Variants in NFIL3 observed in about 807,000 individuals in gnomAD.
NFIL3 encodes the protein nuclear factor, interleukin 3 regulated, also known as nuclear factor interleukin-3-regulated protein.
In NFIL3, 5 loss-of-function variants were observed where a neutral mutation model predicts 10.0. The observed-to-expected ratio is 0.50, with a 90% confidence interval of 0.26 to 1.06. The LOEUF (loss-of-function observed/expected upper bound fraction) is 1.06, where lower values mean the gene tolerates loss of function less well. Among genes scored for constraint, NFIL3 ranks in the 50% least tolerant of loss-of-function variants. The probability of loss-of-function intolerance (pLI) is 0.13; values close to 1 mark genes in which losing one functional copy is unlikely to be tolerated. For missense variants in NFIL3, 436 were observed against 547.6 expected, an observed-to-expected ratio of 0.80 and a Z score of 2.03; for synonymous variants, 202 against 206.5, an observed-to-expected ratio of 0.98 and a Z score of 0.19.
the NFIL3 span, among the ~76,000 whole-genome samples, chr9:91,447,953 G>A: frequency 6.6e-6 from 1 of 152,250 alleles, no homozygotes; most frequent in African/African-American, 2.4e-5. Context: ...TCCTGTAAGA[G>A]TTTTATGGTT....
chr9:91,468,766 T>A, the NFIL3 span, among the ~76,000 whole-genome samples: 1 of 152,336 alleles, frequency 6.6e-6, no homozygotes, highest in Admixed American at 6.5e-5. Context: ...ACCAAGCCAG[T>A]TTTCCCAGCA....
chr9:91,455,387 C>G, the NFIL3 span, among the ~76,000 whole-genome samples: 1 of 152,042 alleles, frequency 6.6e-6, no homozygotes, highest in Non-Finnish European at 1.5e-5. Context: ...TCCCATCTCC[C>G]CATTTTATTT....
the NFIL3 span, among the ~76,000 whole-genome samples, chr9:91,467,927 A>G: frequency 6.6e-6 from 1 of 152,138 alleles, no homozygotes; most frequent in Non-Finnish European, 1.5e-5. Flanking sequence ...TTTTTAATCC[A>G]GTCTATCACT....
the NFIL3 span, among the ~76,000 whole-genome samples, chr9:91,453,290 C>T: frequency 3.9e-5 from 6 of 152,120 alleles, no homozygotes; most frequent in East Asian, 5.8e-4. Flanking sequence ...TTAATTACCT[C>T]TGAAAAGACT....
chr9:91,477,848 C>A, the NFIL3 span, among the ~76,000 whole-genome samples: 353 of 152,118 alleles, frequency 2.3e-3, 1 homozygote, highest in African/African-American at 8.2e-3. Context: ...TTTAATTACA[C>A]TCTGAGTTCT....
chr9:91,421,838 T>C (rs547379926), intron 1 of NFIL3, among the ~76,000 whole-genome samples: 2 of 152,368 alleles, frequency 1.3e-5, no homozygotes, highest in East Asian at 3.9e-4. Flanking sequence ...CTGCACTTAA[T>C]TTAAATGTTA....
chr9:91,469,623 A>G, the NFIL3 span, among the ~76,000 whole-genome samples: 1 of 152,184 alleles, frequency 6.6e-6, no homozygotes, highest in African/African-American at 2.4e-5. Flanking sequence ...TTCAAAGGGA[A>G]TGCTTCCAGT....
chr9:91,464,891 T>C, the NFIL3 span, among the ~76,000 whole-genome samples: 1 of 152,186 alleles, frequency 6.6e-6, no homozygotes, highest in Non-Finnish European at 1.5e-5. Flanking sequence ...TTCCAAAAAC[T>C]AATCTCTATC....
At chr9:91,478,709 G>T in the NFIL3 span, among the ~76,000 whole-genome samples, 2 of 152,016 alleles carry the variant, frequency 1.3e-5, no homozygotes, top group Non-Finnish European at 2.9e-5. Context: ...TGATCCTTTG[G>T]AGGAGAAAAG....
chr9:91,429,533 C>T, the NFIL3 span, among the ~76,000 whole-genome samples: 1 of 152,106 alleles, frequency 6.6e-6, no homozygotes, highest in South Asian at 2.1e-4. Context: ...CAACTTTTGT[C>T]ACTCCAGAGA....
the NFIL3 span, among the ~76,000 whole-genome samples, chr9:91,429,191 G>A: frequency 2.0e-5 from 3 of 152,198 alleles, no homozygotes; most frequent in Non-Finnish European, 4.4e-5. Flanking sequence ...TCATGCACAG[G>A]ATAGTTTACT....
At chr9:91,452,242 T>G in the NFIL3 span, among the ~76,000 whole-genome samples, 1 of 152,206 alleles carries the variant, frequency 6.6e-6, no homozygotes, top group Non-Finnish European at 1.5e-5. Flanking sequence ...CCAGGAAGCT[T>G]CATCTGCATA....
At chr9:91,437,636 C>T in the NFIL3 span, among the ~76,000 whole-genome samples, 1 of 152,146 alleles carries the variant, frequency 6.6e-6, no homozygotes, top group Non-Finnish European at 1.5e-5. Context: ...ACTTTGTGTC[C>T]TCTGACCTAC....
the NFIL3 span, among the ~76,000 whole-genome samples, chr9:91,471,092 G>A: frequency 0.13 from 19,621 of 152,014 alleles, 1,380 homozygotes; most frequent in Middle Eastern, 0.22. Context: ...CTTCTGTCTC[G>A]TTGATCTGTC....
chr9:91,436,981 G>T, the NFIL3 span, among the ~76,000 whole-genome samples: 1 of 152,252 alleles, frequency 6.6e-6, no homozygotes, highest in East Asian at 1.9e-4. Context: ...GTTCCGTGTC[G>T]AATCATCAGG....
chr9:91,442,834 C>T, the NFIL3 span, among the ~76,000 whole-genome samples: 3 of 152,172 alleles, frequency 2.0e-5, no homozygotes, highest in African/African-American at 7.2e-5. Flanking sequence ...CTGAGCTCCC[C>T]GAAGGGCCAC....
At chr9:91,452,715 A>G in the NFIL3 span, among the ~76,000 whole-genome samples, 1 of 141,068 alleles carries the variant, frequency 7.1e-6, no homozygotes, top group Non-Finnish European at 1.5e-5. Flanking sequence ...TGAACTCGGG[A>G]GGCGGAGGTT....
the NFIL3 span, among the ~76,000 whole-genome samples, chr9:91,434,339 A>G: frequency 3.3e-5 from 5 of 152,282 alleles, no homozygotes; most frequent in South Asian, 1.0e-3. Flanking sequence ...CCCCAAGTAG[A>G]TATCAGATTG....
chr9:91,465,931 A>AC, the NFIL3 span, among the ~76,000 whole-genome samples: 2 of 152,020 alleles, frequency 1.3e-5, no homozygotes, highest in South Asian at 4.1e-4. Context: ...GCTGGAACCC[A>AC]CTGTTATTAT....
Sources: allele counts gnomAD v4.1 joint callset (sites outside exome capture counted in the v4.1 genomes callset), GRCh38; gene constraint gnomAD v4.1.1; transcripts MANE v1.5; gene names NCBI Gene and HGNC (gene_info 2026-07-23, HGNC 2026-07-21).